Variants in RECK observed in about 807,000 individuals in gnomAD.
RECK encodes the protein reversion-inducing cysteine-rich protein with Kazal motifs.
RECK carries 69 observed loss-of-function variants against 115.1 expected under a neutral mutation model. That is an observed-to-expected ratio of 0.60 (90% CI 0.49 to 0.73). RECK has a LOEUF of 0.73. Ranked by LOEUF, RECK falls within the 30% of genes least tolerant of loss-of-function variation. RECK has a pLI of 0.00. For synonymous variants in RECK, 414 were observed against 419.7 expected, an observed-to-expected ratio of 0.99 and a Z score of 0.17; for missense variants, 1,047 against 1,203.7, an observed-to-expected ratio of 0.87 and a Z score of 1.93.
At chr9:36,073,229 C>G (rs1306670253) in intron 6 of RECK, among the ~76,000 whole-genome samples, 2 of 102,888 alleles carry the variant, frequency 1.9e-5, no homozygotes, top group African/African-American at 4.1e-5. Context: ...CAGACACACA[C>G]AGACACACAC....
Position 36,105,141 on chromosome 9 carries a change from A to C in RECK, c.1436-2A>C, listed in dbSNP as rs751408724. 6.2e-7 allele frequency: 1 copy of C among 1,612,642 alleles called. No individual in the cohort carries two copies. The highest frequency in any genetic ancestry group is 1.1e-5 in the South Asian group (1 of 90,784). ...TAAACTAATCTGTTTTGGTTTTTTC[A>C]GGGCCAAGTACTTTAGGTAACATTG... is the stretch of plus-strand genomic sequence containing the variant. On this transcript the variant is annotated splice_acceptor_variant, in intron 12 of 20. Coordinates refer to ENST00000377966, the MANE Select transcript of RECK (RefSeq NM_021111.3). LOFTEE classifies it high-confidence loss of function.
rs774444524 is a variant in RECK, at chr9:36,100,323, C to G, written c.1086-8C>G. 1.2e-6 allele frequency: 2 copies of G among 1,606,802 alleles called. No individual in the cohort carries two copies. The highest frequency in any genetic ancestry group is 3.4e-5 in the Admixed American group (2 of 58,886). Reference sequence around the variant, plus strand: ...CTCTTGATTCTTTCTGGCCTTTTTTCTCTTTAGGCCAACAGAACTTTTCAG... The same window carrying G: ...CTCTTGATTCTTTCTGGCCTTTTTTGTCTTTAGGCCAACAGAACTTTTCAG... On this transcript the variant is annotated splice_polypyrimidine_tract_variant and splice_region_variant and intron_variant, in intron 10 of 20. Coordinates refer to ENST00000377966, the MANE Select transcript of RECK (RefSeq NM_021111.3).
At chr9:36,062,238 T>C (rs1469157180) in intron 4 of RECK, among the ~76,000 whole-genome samples, 3 of 149,620 alleles carry the variant, frequency 2.0e-5, no homozygotes, top group Non-Finnish European at 4.4e-5. Context: ...CTCAGCTCAC[T>C]GCAACCTCTG....
At position 36,117,794 on chromosome 9, in the gene RECK, A is replaced by G. The variant is rs185530475; in HGVS notation, c.2253+617A>G. Among the ~76,000 whole-genome samples, 697 of 152,362 alleles carry G rather than the reference A, an allele frequency of 4.6e-3. 5 individuals are homozygous for G. Among genetic ancestry groups the G allele is most frequent in the African/African-American group, 0.016 (656 of 41,600 alleles). ...CAGGAGTTCAAGATCAGCTTGACCAACATGGTGAAACCCCATCTCTACTAA... is the reference window on the plus strand; with the variant it reads ...CAGGAGTTCAAGATCAGCTTGACCAGCATGGTGAAACCCCATCTCTACTAA... On this transcript the variant is annotated intron_variant, in intron 17 of 20. Transcript: ENST00000377966.
In RECK at chr9:36,063,668, C is replaced by G; in HGVS notation, c.272-127C>G. On this transcript the variant is annotated intron_variant, in intron 4 of 20. Transcript: ENST00000377966. ...GGAGGTCCTTAATAATTTTGAGGCC[C>G]TGCTGTCTGAACCAGTTTTCTTATG... 5 of 735,824 alleles carry G rather than the reference C, an allele frequency of 6.8e-6. No homozygotes were observed. The South Asian group carries it at 8.4e-5, about 12-fold the overall frequency. 45.6% of individuals were successfully genotyped at this position (735,824 alleles called of 1,614,324 possible). A position where few individuals can be genotyped will look rare whatever the true frequency, so the allele number is the denominator to read the frequency against.
In RECK at chr9:36,118,978, A is replaced by C. The variant is rs1393615044; in HGVS notation, c.2464+11A>C. 2 of 1,610,798 alleles carry C rather than the reference A, an allele frequency of 1.2e-6. No homozygotes were observed. Among genetic ancestry groups the C allele is most frequent in the Admixed American group, 3.3e-5 (2 of 59,948 alleles). On this transcript the variant is annotated intron_variant, in intron 18 of 20. Coordinates refer to ENST00000377966, the MANE Select transcript of RECK (RefSeq NM_021111.3). The stretch of plus-strand genomic sequence containing the variant: ...CCATCATCCCACCGGGTAGGCTGGC[A>C]GTATCGGGGTGGACAGGGGAGGACT...
At chr9:36,071,119 T>C (rs746802345) in intron 6 of RECK, among the ~76,000 whole-genome samples, 7 of 152,316 alleles carry the variant, frequency 4.6e-5, no homozygotes, top group East Asian at 1.9e-4. Context: ...CTTGTGCACA[T>C]TGGCTGATTA....
At chr9:36,071,941 A>G (rs1822246575) in intron 6 of RECK, among the ~76,000 whole-genome samples, 2 of 152,178 alleles carry the variant, frequency 1.3e-5, no homozygotes, top group Non-Finnish European at 2.9e-5. Context: ...ACATTGTTCA[A>G]AATTCAAAAT....
intron 17 of RECK, among the ~76,000 whole-genome samples, chr9:36,118,158 C>T (rs1335278672): frequency 2.6e-5 from 4 of 152,180 alleles, no homozygotes; most frequent in African/African-American, 9.6e-5. Flanking sequence ...AAAATTCCAT[C>T]ATGATGTCTC....
intron 6 of RECK, among the ~76,000 whole-genome samples, chr9:36,070,697 G>C (rs1822195277): frequency 6.6e-6 from 1 of 152,144 alleles, no homozygotes; most frequent in Non-Finnish European, 1.5e-5. Flanking sequence ...TTTTGCAACA[G>C]ACAGGAGATT....
At chr9:36,102,009 G>T (rs757685443) in intron 11 of RECK, 85 bp from the exon 12 acceptor site, 108 of 1,306,056 alleles carry the variant, frequency 8.3e-5, no homozygotes, top group Non-Finnish European at 1.1e-4. Flanking sequence ...CTTACTTTCT[G>T]GAAAGCTTCA....
intron 9 of RECK, among the ~76,000 whole-genome samples, chr9:36,090,756 T>C (rs1230980850): frequency 6.6e-6 from 1 of 152,234 alleles, no homozygotes; most frequent in African/African-American, 2.4e-5. Context: ...GACCATGTCC[T>C]AGTTTTACCG....
At chr9:36,066,605 G>A (rs1235763099) in intron 6 of RECK, among the ~76,000 whole-genome samples, 11 of 151,798 alleles carry the variant, frequency 7.2e-5, no homozygotes, top group South Asian at 2.1e-4. Flanking sequence ...GCTCTCCTCC[G>A]TTCTTATTGA....
At chr9:36,092,542 A>ATTTTTTTTTTTTTT in intron 10 of RECK, among the ~76,000 whole-genome samples, 1 of 117,048 alleles carries the variant, frequency 8.5e-6, no homozygotes, top group Non-Finnish European at 1.8e-5. Flanking sequence ...CACCCAGCTA[A>ATTTTTTTTTTTTTT]TTTTTTTTTT....
chr9:36,055,148 A>G (rs1037041825), intron 2 of RECK, among the ~76,000 whole-genome samples: 5 of 152,250 alleles, frequency 3.3e-5, no homozygotes, highest in Admixed American at 2.6e-4. Context: ...TAATTATAGT[A>G]TATATTCTAG....
intron 4 of RECK, among the ~76,000 whole-genome samples, chr9:36,061,393 T>TACACACACACACAC (rs58265948): frequency 0.033 from 4,245 of 129,012 alleles, 152 homozygotes; most frequent in Non-Finnish European, 0.043. Context: ...TGTAATTTTC[T>TACACACACACACAC]ACACACACAC....
intron 6 of RECK, among the ~76,000 whole-genome samples, chr9:36,071,933 A>G (rs1383933201): frequency 6.6e-6 from 1 of 152,182 alleles, no homozygotes; most frequent in Non-Finnish European, 1.5e-5. Context: ...GGATTTTCAC[A>G]TTGTTCAAAA....
In RECK at chr9:36,100,180, T is replaced by C. The variant is rs1823507342; in HGVS notation, c.1086-151T>C. On this transcript the variant is annotated intron_variant, in intron 10 of 20. Coordinates refer to ENST00000377966, the MANE Select transcript of RECK (RefSeq NM_021111.3). ...TGCTAGTGTCTACACTGAATCTTCA[T>C]ACAATCGAAGCTGATATCCTTTCAT... is the stretch of plus-strand genomic sequence containing the variant. 4.8e-6 allele frequency: 3 copies of C among 619,926 alleles called. No individual in the cohort carries two copies. In the Admixed American group the frequency reaches 8.7e-5, roughly 18 times the overall value. 38.4% of individuals were successfully genotyped at this position (619,926 alleles called of 1,614,324 possible). A position where few individuals can be genotyped will look rare whatever the true frequency, so the allele number is the denominator to read the frequency against.
At chr9:36,107,105 C>CAAA (rs34425685) in intron 13 of RECK, among the ~76,000 whole-genome samples, 2 of 82,414 alleles carry the variant, frequency 2.4e-5, no homozygotes, top group African/African-American at 9.7e-5. Context: ...GACTCCGTCT[C>CAAA]AAAAAAAAAA....
Sources: allele counts gnomAD v4.1 joint callset (sites outside exome capture counted in the v4.1 genomes callset), GRCh38; gene constraint gnomAD v4.1.1; transcripts MANE v1.5; gene names NCBI Gene and HGNC (gene_info 2026-07-23, HGNC 2026-07-21).